EIF2B3: variants seen among roughly 807,000 people sequenced by gnomAD.
The protein encoded by EIF2B3 is translation initiation factor eIF2B subunit gamma.
EIF2B3 carries 20 observed loss-of-function variants against 54.1 expected under a neutral mutation model. The observed-to-expected ratio is 0.37, with a 90% CI of 0.26 to 0.54. The LOEUF (loss-of-function observed/expected upper bound fraction) is 0.54, where lower values mean the gene tolerates loss of function less well. Among genes scored for constraint, EIF2B3 ranks in the 20% least tolerant of loss-of-function variants. The pLI is 0.86. For synonymous variants in EIF2B3, 153 were observed against 188.1 expected, an observed-to-expected ratio of 0.81 and a Z score of 1.52; for missense variants, 448 against 547.8, an observed-to-expected ratio of 0.82 and a Z score of 1.82.
chr1:44,942,417 A>ATTTTTTTTTT lies in EIF2B3; in HGVS notation c.295-762_295-753dup, dbSNP rs34978668. Among the ~76,000 whole-genome samples the ATTTTTTTTTT allele has an allele frequency of 5.8e-4, 3 of 5,188 alleles. 1 individual carries two copies. Among genetic ancestry groups the ATTTTTTTTTT allele is most frequent in the African/African-American group, 5.5e-3 (3 of 550 alleles). The allele number at this position is 5,188 out of a possible 152,430, so 3.4% of individuals were successfully genotyped here. A position where few individuals can be genotyped will look rare whatever the true frequency, so the allele number is the denominator to read the frequency against. On this transcript the variant is annotated intron_variant, in intron 3 of 11. Transcript: ENST00000360403. The stretch of plus-strand genomic sequence containing the variant: ...TATATATATATATATATATATATAT[A>ATTTTTTTTTT]TTTTTTTTTTTTTTTTTTTTTTTTT...
At chr1:44,860,866 G>A (rs1233178715) in intron 10 of EIF2B3, among the ~76,000 whole-genome samples, 2 of 152,116 alleles carry the variant, frequency 1.3e-5, no homozygotes, top group African/African-American at 2.4e-5. Flanking sequence ...AACCCAAGAG[G>A]CATGAGGGGG....
chr1:44,928,403 C>T lies in EIF2B3; in HGVS notation c.455-1664G>A, dbSNP rs377076732. On this transcript the variant is annotated intron_variant, in intron 4 of 11. Coordinates refer to ENST00000360403, the MANE Select transcript of EIF2B3 (RefSeq NM_020365.5). The stretch of plus-strand genomic sequence containing the variant: ...CAGAGGCTGCAGTGAGCTGAGATCA[C>T]ACCACTGCACTCCAGCCTGGGCGAC... Among the ~76,000 whole-genome samples the T allele has an allele frequency of 9.9e-5, 15 of 152,216 alleles. No homozygotes were observed. The South Asian group carries it at 3.1e-3, about 32-fold the overall frequency.
At chr1:44,941,952 T>G (rs1238970636) in intron 3 of EIF2B3, among the ~76,000 whole-genome samples, 1 of 152,172 alleles carries the variant, frequency 6.6e-6, no homozygotes, top group African/African-American at 2.4e-5. Flanking sequence ...ACCACCACAT[T>G]GTCTATTTCT....
At chr1:44,856,198 A>G (rs1051108383) in intron 11 of EIF2B3, among the ~76,000 whole-genome samples, 1 of 152,076 alleles carries the variant, frequency 6.6e-6, no homozygotes, top group African/African-American at 2.4e-5. Context: ...CAAGGTAGCT[A>G]TTATTGTCCC....
chr1:44,851,020 A>C lies in EIF2B3; in HGVS notation c.1307-17T>G. 1 of 1,613,280 alleles carries C rather than the reference A, an allele frequency of 6.2e-7. No individual in the cohort carries two copies. The highest frequency in any genetic ancestry group is 8.5e-7 in the Non-Finnish European group (1 of 1,179,944). ...CTCGTTTAGCTACAAAAGAAAAGGA[A>C]AAAAGTTTTCTGAGAACTGGCAGCA... On this transcript the variant is annotated splice_polypyrimidine_tract_variant and intron_variant, in intron 11 of 11. Transcript: ENST00000360403.
At chr1:44,981,599 A>G (rs1644513821) in intron 1 of EIF2B3, among the ~76,000 whole-genome samples, 1 of 152,176 alleles carries the variant, frequency 6.6e-6, no homozygotes, top group Admixed American at 6.6e-5. Context: ...CTGAAGAAGT[A>G]AGAGTTTACC....
chr1:44,956,362 C>CG (rs573500155), intron 3 of EIF2B3, among the ~76,000 whole-genome samples: 2 of 151,486 alleles, frequency 1.3e-5, no homozygotes, highest in Non-Finnish European at 2.9e-5. Context: ...CAGGGCCTGT[C>CG]GGGGGGTGGG....
At chr1:44,915,064 C>T (rs992961406) in intron 5 of EIF2B3, among the ~76,000 whole-genome samples, 2 of 151,320 alleles carry the variant, frequency 1.3e-5, no homozygotes, top group South Asian at 2.1e-4. Flanking sequence ...TTTGGGAGGC[C>T]GAGGCAGGTA....
chr1:44,921,818 T>C (rs1159991947), intron 5 of EIF2B3, among the ~76,000 whole-genome samples: 1 of 152,102 alleles, frequency 6.6e-6, no homozygotes, highest in Non-Finnish European at 1.5e-5. Flanking sequence ...AGTCAGGTAA[T>C]ATGATTCCTG....
chr1:44,867,327 A>G lies in EIF2B3; in HGVS notation c.1202+7351T>C, dbSNP rs554524859. Among the ~76,000 whole-genome samples, 20 of 152,270 alleles carry G rather than the reference A, an allele frequency of 1.3e-4. No individual in the cohort carries two copies. In the South Asian group the frequency reaches 4.1e-3, roughly 32 times the overall value. The stretch of plus-strand genomic sequence containing the variant: ...TTTACTACATTGTGGATTCCTGAGC[A>G]TCAGCTGTCATATAAAATGCCAGAA... On this transcript the variant is annotated intron_variant, in intron 10 of 11. Coordinates refer to ENST00000360403, the MANE Select transcript of EIF2B3 (RefSeq NM_020365.5).
chr1:44,876,145 C>T, intron 8 of EIF2B3, among the ~76,000 whole-genome samples: 1 of 152,166 alleles, frequency 6.6e-6, no homozygotes, highest in Non-Finnish European at 1.5e-5. Flanking sequence ...AACCACCTCC[C>T]AGCCGCCTGC....
chr1:44,904,509 T>C (rs910233263), intron 5 of EIF2B3, among the ~76,000 whole-genome samples: 5 of 152,230 alleles, frequency 3.3e-5, no homozygotes, highest in African/African-American at 1.2e-4. Flanking sequence ...CCTTCTACTT[T>C]ATTTGGCAAT....
intron 5 of EIF2B3, among the ~76,000 whole-genome samples, chr1:44,911,804 CCACT>C (rs1349405293): frequency 6.6e-6 from 1 of 150,968 alleles, no homozygotes; most frequent in African/African-American, 2.4e-5. Flanking sequence ...TGCGCTGCAC[CCACT>C]AACTCGTCAT....
intron 4 of EIF2B3, among the ~76,000 whole-genome samples, chr1:44,935,303 C>G (rs574283734): frequency 1.3e-3 from 202 of 152,078 alleles, no homozygotes; most frequent in Non-Finnish European, 2.3e-3. Context: ...TGCAATAAAG[C>G]AATATAAATA....
At chr1:44,976,156 A>G (rs1644450908) in intron 3 of EIF2B3, among the ~76,000 whole-genome samples, 2 of 152,200 alleles carry the variant, frequency 1.3e-5, no homozygotes, top group South Asian at 2.1e-4. Flanking sequence ...AAGAGACACC[A>G]TTAAATAAAA....
intron 6 of EIF2B3, among the ~76,000 whole-genome samples, chr1:44,891,777 T>TG (rs1197041451): frequency 6.6e-6 from 1 of 152,206 alleles, no homozygotes; most frequent in Non-Finnish European, 1.5e-5. Flanking sequence ...GTAAAGACAG[T>TG]TATATGTACT....
At chr1:44,858,709 C>A (rs1057457058) in intron 10 of EIF2B3, among the ~76,000 whole-genome samples, 2 of 152,202 alleles carry the variant, frequency 1.3e-5, no homozygotes, top group South Asian at 2.1e-4. Flanking sequence ...AAGTGATCCA[C>A]CCGCCTTGGC....
At chr1:44,972,289 ATGT>A (rs1370967895) in intron 3 of EIF2B3, among the ~76,000 whole-genome samples, 2 of 79,346 alleles carry the variant, frequency 2.5e-5, no homozygotes, top group Non-Finnish European at 5.0e-5. Context: ...AAACACACAC[ATGT>A]ATATACACAC....
At chr1:44,882,961 G>A (rs1386000514) in intron 6 of EIF2B3, among the ~76,000 whole-genome samples, 1 of 119,622 alleles carries the variant, frequency 8.4e-6, no homozygotes, top group Non-Finnish European at 1.7e-5. Context: ...ATGGAGTCTC[G>A]CTCTGTGGCC....
Sources: allele counts gnomAD v4.1 joint callset (sites outside exome capture counted in the v4.1 genomes callset), GRCh38; gene constraint gnomAD v4.1.1; transcripts MANE v1.5; gene names NCBI Gene and HGNC (gene_info 2026-07-23, HGNC 2026-07-21).